Variants in GAS5 observed in about 807,000 individuals in gnomAD.
GAS5 encodes the protein growth arrest specific 5 (non-protein coding).
chr1:173,864,383 A>C, intron 6 of GAS5: 1 of 519,120 alleles, frequency 1.9e-6, no homozygotes, highest in Non-Finnish European at 3.8e-6. Context: ...TCAGAATCAA[A>C]ATGGAACGGT....
At chr1:173,866,132 G>A in intron 4 of GAS5, 1 of 494,832 alleles carries the variant, frequency 2.0e-6, no homozygotes, top group South Asian at 1.4e-5. Flanking sequence ...TGTGCCGTAG[G>A]AAGTTTGCCC....
At chr1:173,865,332 T>G (rs766207085) in intron 6 of GAS5, 12 of 495,476 alleles carry the variant, frequency 2.4e-5, no homozygotes, top group African/African-American at 1.8e-4. Context: ...GGTGGATTTC[T>G]AAAAGATTTC....
upstream of GAS5, chr1:173,868,000 G>A (rs1013777876): frequency 1.3e-5 from 4 of 319,742 alleles, no homozygotes; most frequent in East Asian, 7.9e-5. Flanking sequence ...ACAGTATGGT[G>A]CCTGGGCTCC....
intron 1 of GAS5, chr1:173,866,813 T>C (rs1188276857): frequency 6.5e-6 from 5 of 765,222 alleles, no homozygotes; most frequent in East Asian, 4.8e-5. Flanking sequence ...AACAAAAAGA[T>C]GCAAGCAAAA....
At chr1:173,864,965 T>A in intron 6 of GAS5, 1 of 509,082 alleles carries the variant, frequency 2.0e-6, no homozygotes, top group Non-Finnish European at 3.9e-6. Context: ...ACGCCTGTAA[T>A]CCCAGCACTT....
intron 6 of GAS5, chr1:173,864,322 A>G (rs764513840): frequency 1.5e-5 from 8 of 516,244 alleles, no homozygotes; most frequent in Admixed American, 3.9e-5. Flanking sequence ...CGAAGCCAAC[A>G]TATTAATCAG....
At chr1:173,867,831 C>A (rs1450750544), upstream of GAS5, 1 of 506,100 alleles carries the variant, frequency 2.0e-6, no homozygotes, top group Non-Finnish European at 4.0e-6. Context: ...CAATCCCCCA[C>A]CATCCTCAAC....
upstream of GAS5, chr1:173,867,170 G>A (rs1405817265): frequency 1.4e-5 from 8 of 578,916 alleles, 1 homozygote; most frequent in Non-Finnish European, 1.8e-5. Context: ...ATTATCTAGC[G>A]ACAGGTAAAG....
chr1:173,865,449 TTAACATCAATAA>T (rs1654429437), intron 6 of GAS5: 1 of 512,318 alleles, frequency 2.0e-6, no homozygotes, highest in African/African-American at 1.9e-5. Flanking sequence ...TCAATTAACG[TTAACATCAATAA>T]AACATGTACC....
chr1:173,864,939 C>G (rs757567844), intron 6 of GAS5: 7 of 515,090 alleles, frequency 1.4e-5, no homozygotes, highest in Non-Finnish European at 2.7e-5. Context: ...AGACTTGAGG[C>G]GGGGCATGGT....
chr1:173,865,514 G>T (rs1410179093), exon 6 of GAS5: 6 of 510,104 alleles, frequency 1.2e-5, no homozygotes, highest in African/African-American at 1.9e-5. Context: ...CCTTACCCAA[G>T]CAAGTCATCC....
chr1:173,866,783 C>T, exon 2 of GAS5: 1 of 765,202 alleles, frequency 1.3e-6, no homozygotes, highest in Non-Finnish European at 2.4e-6. Flanking sequence ...TCTCATCCTT[C>T]CTTGGGGACA....
At chr1:173,864,378 A>T (rs1293617043) in intron 6 of GAS5, 2 of 519,104 alleles carry the variant, frequency 3.9e-6, no homozygotes, top group Admixed American at 3.9e-5. Context: ...TAACCTCAGA[A>T]TCAAAATGGA....
chr1:173,864,217 A>G (rs1228888231), intron 7 of GAS5: 2 of 517,936 alleles, frequency 3.9e-6, no homozygotes, highest in Admixed American at 1.9e-5. Flanking sequence ...ATCATCATGT[A>G]TTCTGCAATT....
intron 5 of GAS5, chr1:173,865,653 T>C (rs757856797): frequency 3.9e-6 from 2 of 519,128 alleles, no homozygotes; most frequent in South Asian, 1.4e-5. Context: ...TACATGCTCA[T>C]TTCAGGTCAG....
chr1:173,866,808 A>C (rs758084813), intron 1 of GAS5: 2 of 765,262 alleles, frequency 2.6e-6, no homozygotes, highest in South Asian at 1.3e-5. Context: ...TAGAAAACAA[A>C]AAGATGCAAG....
chr1:173,867,748 C>T (rs962216553), upstream of GAS5: 1 of 519,038 alleles, frequency 1.9e-6, no homozygotes, highest in African/African-American at 1.9e-5. Flanking sequence ...AGAGGCAGGG[C>T]ACGAGAGCCG....
intron 2 of GAS5, chr1:173,866,682 CAA>C (rs760024171): frequency 2.6e-6 from 2 of 764,982 alleles, no homozygotes; most frequent in African/African-American, 1.7e-5. Flanking sequence ...TTCTAGCACT[CAA>C]GAGTAGCAAA....
chr1:173,867,979 A>T (rs748335268), upstream of GAS5: 1 of 332,868 alleles, frequency 3.0e-6, no homozygotes, highest in Non-Finnish European at 6.0e-6. Flanking sequence ...GTCGACTCCT[A>T]CCTCGAAAAG....
Sources: gnomAD v4.1 joint callset for allele counts on GRCh38, gnomAD v4.1.1 for gene constraint, MANE v1.5 for transcripts, NCBI Gene and HGNC (gene_info 2026-07-23, HGNC 2026-07-21) for gene names.